The following GALNT13 variants were observed in gnomAD, a reference collection of about 807,000 sequenced individuals.
The protein encoded by GALNT13 is polypeptide N-acetylgalactosaminyltransferase 13.
GALNT13 carries 28 observed loss-of-function variants against 64.2 expected under a neutral mutation model. The ratio of observed to expected loss-of-function variants is 0.44; its 90% CI spans 0.32 to 0.60. The LOEUF is 0.60. GALNT13 is among the 20% of genes least tolerant of loss of function. GALNT13 has a pLI of 0.05. For synonymous variants in GALNT13, 214 were observed against 224.6 expected, an observed-to-expected ratio of 0.95 and a Z score of 0.42; for missense variants, 577 against 669.8, an observed-to-expected ratio of 0.86 and a Z score of 1.53.
chr2:153,292,326 T>C, the GALNT13 span, among the ~76,000 whole-genome samples: 1 of 152,194 alleles, frequency 6.6e-6, no homozygotes, highest in African/African-American at 2.4e-5. Context: ...TTTAAAGTAG[T>C]GTATTTGTTA....
the GALNT13 span, among the ~76,000 whole-genome samples, chr2:153,399,800 C>T: frequency 6.6e-6 from 1 of 152,050 alleles, no homozygotes; most frequent in African/African-American, 2.4e-5. Context: ...GCTGAAGTTG[C>T]TTATCAGCTT....
At chr2:153,638,145 G>A in the GALNT13 span, among the ~76,000 whole-genome samples, 1 of 152,056 alleles carries the variant, frequency 6.6e-6, no homozygotes, top group African/African-American at 2.4e-5. Flanking sequence ...TGTTTGGGGT[G>A]GCTGGAATAG....
the GALNT13 span, among the ~76,000 whole-genome samples, chr2:153,224,837 T>A: frequency 6.6e-6 from 1 of 152,160 alleles, no homozygotes; most frequent in South Asian, 2.1e-4. Context: ...TATTAAATAT[T>A]TTGAATTAAT....
At chr2:153,357,029 C>T in the GALNT13 span, among the ~76,000 whole-genome samples, 8 of 151,912 alleles carry the variant, frequency 5.3e-5, no homozygotes, top group African/African-American at 1.7e-4. Flanking sequence ...AGGATGGTCT[C>T]GATCTCCTGA....
At chr2:153,475,723 T>G in the GALNT13 span, among the ~76,000 whole-genome samples, 1 of 152,202 alleles carries the variant, frequency 6.6e-6, no homozygotes, top group East Asian at 1.9e-4. Context: ...GATTTGTTTT[T>G]TTATCCCAAA....
the GALNT13 span, among the ~76,000 whole-genome samples, chr2:153,729,952 CA>C: frequency 0.14 from 21,433 of 148,200 alleles, 2,501 homozygotes; most frequent in African/African-American, 0.32. Context: ...CAAATACATG[CA>C]AAAAAAAAAT....
intron 3 of GALNT13, among the ~76,000 whole-genome samples, chr2:153,984,778 A>T (rs1229635724): frequency 1.3e-5 from 2 of 151,674 alleles, no homozygotes; most frequent in African/African-American, 4.8e-5. Context: ...GCTTCTCTTT[A>T]CTATTTGTTT....
the GALNT13 span, among the ~76,000 whole-genome samples, chr2:153,712,993 C>G: frequency 1.3e-5 from 2 of 152,150 alleles, no homozygotes; most frequent in East Asian, 3.9e-4. Flanking sequence ...ACCAAGTAAG[C>G]AATCTGTGCT....
At chr2:154,396,893 T>A (rs1699079120) in intron 10 of GALNT13, among the ~76,000 whole-genome samples, 1 of 151,134 alleles carries the variant, frequency 6.6e-6, no homozygotes, top group Non-Finnish European at 1.5e-5. Context: ...ATTATAACTA[T>A]ACAAACTGTA....
At chr2:153,517,117 AGTG>A in the GALNT13 span, among the ~76,000 whole-genome samples, 3 of 152,168 alleles carry the variant, frequency 2.0e-5, no homozygotes, top group South Asian at 6.2e-4. Context: ...GCAAGGGACT[AGTG>A]GTAGTAGGTG....
the GALNT13 span, among the ~76,000 whole-genome samples, chr2:153,278,084 T>G: frequency 6.6e-6 from 1 of 150,926 alleles, no homozygotes; most frequent in Non-Finnish European, 1.5e-5. Flanking sequence ...CCGCCACCAC[T>G]CCCAGCTAAT....
chr2:153,369,508 A>G, the GALNT13 span, among the ~76,000 whole-genome samples: 1 of 152,146 alleles, frequency 6.6e-6, no homozygotes. Context: ...TAGAAATACC[A>G]TATGTACGGA....
the GALNT13 span, among the ~76,000 whole-genome samples, chr2:153,264,039 A>G: frequency 6.6e-6 from 1 of 152,202 alleles, no homozygotes; most frequent in Non-Finnish European, 1.5e-5. Flanking sequence ...AATTTTTGCA[A>G]TCTATCCATC....
chr2:153,894,324 A>T (rs567811810), intron 1 of GALNT13, among the ~76,000 whole-genome samples: 2 of 152,194 alleles, frequency 1.3e-5, no homozygotes, highest in South Asian at 4.1e-4. Flanking sequence ...TTCAGTTAGG[A>T]AATGCAACAA....
chr2:153,392,090 T>C, the GALNT13 span, among the ~76,000 whole-genome samples: 1 of 148,596 alleles, frequency 6.7e-6, no homozygotes, highest in African/African-American at 2.4e-5. Flanking sequence ...ATTCATCACA[T>C]TAAATATGTA....
the GALNT13 span, among the ~76,000 whole-genome samples, chr2:153,420,031 G>C: frequency 6.6e-6 from 1 of 152,038 alleles, no homozygotes; most frequent in African/African-American, 2.4e-5. Context: ...TATAAGCAAA[G>C]AAAGATGATG....
intron 3 of GALNT13, among the ~76,000 whole-genome samples, chr2:154,069,606 A>G (rs979946597): frequency 6.6e-6 from 1 of 152,000 alleles, no homozygotes; most frequent in African/African-American, 2.4e-5. Flanking sequence ...TATGAAATTC[A>G]AAAGACATAG....
chr2:153,499,325 T>C, the GALNT13 span, among the ~76,000 whole-genome samples: 1 of 152,190 alleles, frequency 6.6e-6, no homozygotes, highest in Admixed American at 6.5e-5. Context: ...TGGCTAAGTC[T>C]GGGATTTTTA....
chr2:153,973,937 C>G lies in GALNT13; in HGVS notation c.142+29298C>G, dbSNP rs141451646. ...CATTGCATGCCCTCAATAAATATTT[C>G]CTGAATGATCATTTGTAATAGGTCC... On this transcript the variant is annotated intron_variant, in intron 3 of 12. Coordinates refer to ENST00000392825, the MANE Select transcript of GALNT13 (RefSeq NM_052917.4). 1.1e-3 allele frequency among the ~76,000 whole-genome samples: 170 copies of G among 152,020 alleles called. 1 individual carries two copies. The highest frequency in any genetic ancestry group is 3.9e-3 in the African/African-American group (161 of 41,496).
Sources: allele counts gnomAD v4.1 joint callset (sites outside exome capture counted in the v4.1 genomes callset), GRCh38; gene constraint gnomAD v4.1.1; transcripts MANE v1.5; gene names NCBI Gene and HGNC (gene_info 2026-07-23, HGNC 2026-07-21).